Variants in LHFPL3 observed in about 807,000 individuals in gnomAD.
LHFPL3 encodes the protein LHFPL tetraspan subfamily member 3 protein.
LHFPL3 carries 5 observed loss-of-function variants against 19.3 expected under a neutral mutation model. The ratio of observed to expected loss-of-function variants is 0.26; its 90% CI spans 0.14 to 0.54. The LOEUF (loss-of-function observed/expected upper bound fraction) is 0.54. Among genes scored for constraint, LHFPL3 ranks in the 20% least tolerant of loss-of-function variants. The probability of loss-of-function intolerance (pLI) is 0.94; values close to 1 mark genes in which losing one functional copy is unlikely to be tolerated. For missense variants in LHFPL3, 249 were observed against 307.4 expected, an observed-to-expected ratio of 0.81 and a Z score of 1.42; for synonymous variants, 133 against 126.2, an observed-to-expected ratio of 1.05 and a Z score of -0.36.
At chr7:104,571,498 A>G (rs1790230375) in intron 1 of LHFPL3, among the ~76,000 whole-genome samples, 1 of 152,164 alleles carries the variant, frequency 6.6e-6, no homozygotes, top group African/African-American at 2.4e-5. Context: ...CCATGCAGCC[A>G]TCTCATCCTT....
At chr7:104,646,356 C>A (rs188622299) in intron 1 of LHFPL3, among the ~76,000 whole-genome samples, 48 of 152,264 alleles carry the variant, frequency 3.2e-4, no homozygotes, top group Middle Eastern at 3.4e-3. Context: ...ACGCCCTAAT[C>A]GCTATTAACA....
intron 2 of LHFPL3, among the ~76,000 whole-genome samples, chr7:104,829,769 T>C (rs922285787): frequency 6.6e-6 from 1 of 152,038 alleles, no homozygotes; most frequent in African/African-American, 2.4e-5. Flanking sequence ...TTTGCTATTG[T>C]GAATAGTGCC....
chr7:104,601,906 C>T (rs572776606), intron 1 of LHFPL3, among the ~76,000 whole-genome samples: 170 of 152,194 alleles, frequency 1.1e-3, no homozygotes, highest in Non-Finnish European at 2.1e-3. Flanking sequence ...CAAGGTGGGA[C>T]CTACCCAGAC....
At chr7:104,714,448 AG>A (rs1261000572) in intron 1 of LHFPL3, among the ~76,000 whole-genome samples, 2 of 152,160 alleles carry the variant, frequency 1.3e-5, no homozygotes, top group Non-Finnish European at 2.9e-5. Flanking sequence ...CTTTAAGGAA[AG>A]TCTGATGAGG....
chr7:104,638,505 A>C (rs1430545323), intron 1 of LHFPL3, among the ~76,000 whole-genome samples: 1 of 152,064 alleles, frequency 6.6e-6, no homozygotes, highest in East Asian at 1.9e-4. Context: ...TTCCCCATTC[A>C]GTATGATATT....
At position 104,833,030 on chromosome 7, in the gene LHFPL3, AT is replaced by A. The variant is rs1249531438; in HGVS notation, c.683-73155del. ...TATATATATTATATATAATAGATAT[AT>A]TATATATATATATTATATATATATT... On this transcript the variant is annotated intron_variant, in intron 2 of 2. Transcript: ENST00000424859. Among the ~76,000 whole-genome samples, 8 of 6,484 alleles carry A rather than the reference AT, an allele frequency of 1.2e-3. 1 individual carries two copies. The highest frequency in any genetic ancestry group is 3.4e-3 in the Admixed American group (1 of 296). 4.3% of individuals were successfully genotyped at this position (6,484 alleles called of 152,430 possible).
At chr7:104,500,974 T>C (rs954920793) in intron 1 of LHFPL3, among the ~76,000 whole-genome samples, 18 of 152,220 alleles carry the variant, frequency 1.2e-4, no homozygotes, top group Admixed American at 1.2e-3. Context: ...CTTTACTCTC[T>C]AGCTTAACCT....
intron 1 of LHFPL3, among the ~76,000 whole-genome samples, chr7:104,658,183 C>T (rs1028310934): frequency 6.6e-6 from 1 of 152,210 alleles, no homozygotes; most frequent in East Asian, 1.9e-4. Flanking sequence ...GCACTTTATG[C>T]ACCATTAAAT....
At chr7:104,384,866 G>A (rs757144648) in intron 1 of LHFPL3, among the ~76,000 whole-genome samples, 9 of 151,172 alleles carry the variant, frequency 6.0e-5, no homozygotes, top group Admixed American at 1.3e-4. Context: ...TATAAATAGA[G>A]GAATCAGCAA....
chr7:104,515,051 T>C (rs1793894712), intron 1 of LHFPL3, among the ~76,000 whole-genome samples: 1 of 152,194 alleles, frequency 6.6e-6, no homozygotes, highest in South Asian at 2.1e-4. Flanking sequence ...CTTTTAACAG[T>C]AGCATTGTTT....
chr7:104,404,861 A>G (rs555658030), intron 1 of LHFPL3, among the ~76,000 whole-genome samples: 49 of 152,316 alleles, frequency 3.2e-4, no homozygotes, highest in Non-Finnish European at 6.0e-4. Context: ...TTGATTTCAT[A>G]TGATTGTCCA....
intron 1 of LHFPL3, among the ~76,000 whole-genome samples, chr7:104,440,425 G>T (rs1792201779): frequency 1.3e-5 from 2 of 150,968 alleles, no homozygotes; most frequent in East Asian, 4.0e-4. Context: ...GGGGTGGGGG[G>T]AGTGGGGAGG....
At chr7:104,738,973 G>A (rs1793881584) in intron 2 of LHFPL3, 1 of 152,186 alleles carries the variant, frequency 6.6e-6, no homozygotes, top group Non-Finnish European at 1.5e-5. Context: ...ACGAAAATTA[G>A]TAGGAGTTCA....
At chr7:104,809,736 C>G (rs914362868) in intron 2 of LHFPL3, among the ~76,000 whole-genome samples, 2 of 152,182 alleles carry the variant, frequency 1.3e-5, no homozygotes, top group African/African-American at 4.8e-5. Flanking sequence ...ACCCATACAG[C>G]ACAGAGGAAG....
chr7:104,673,574 G>A (rs1030894712), intron 1 of LHFPL3, among the ~76,000 whole-genome samples: 2 of 152,198 alleles, frequency 1.3e-5, no homozygotes, highest in African/African-American at 4.8e-5. Context: ...TTGTCCAAAA[G>A]CAGTGTGCAT....
intron 1 of LHFPL3, among the ~76,000 whole-genome samples, chr7:104,359,473 T>C (rs1790349448): frequency 6.6e-6 from 1 of 152,256 alleles, no homozygotes; most frequent in Admixed American, 6.5e-5. Context: ...GTTCCCATCC[T>C]GAATGACTCA....
At chr7:104,626,679 G>C (rs1305998664) in intron 1 of LHFPL3, among the ~76,000 whole-genome samples, 1 of 152,152 alleles carries the variant, frequency 6.6e-6, no homozygotes, top group African/African-American at 2.4e-5. Flanking sequence ...GGTTGTTATG[G>C]TGATAGAACC....
chr7:104,682,545 C>T (rs1402400853), intron 1 of LHFPL3, among the ~76,000 whole-genome samples: 1 of 152,200 alleles, frequency 6.6e-6, no homozygotes, highest in Non-Finnish European at 1.5e-5. Context: ...CTCCTTTCCC[C>T]AACTCCTACA....
chr7:104,381,071 A>T (rs1261932239), intron 1 of LHFPL3, among the ~76,000 whole-genome samples: 1 of 152,122 alleles, frequency 6.6e-6, no homozygotes, highest in Non-Finnish European at 1.5e-5. Flanking sequence ...GTCGCAAAAG[A>T]CAGAATGCAA....
Sources: allele counts gnomAD v4.1 joint callset (sites outside exome capture counted in the v4.1 genomes callset), GRCh38; gene constraint gnomAD v4.1.1; transcripts MANE v1.5; gene names NCBI Gene and HGNC (gene_info 2026-07-23, HGNC 2026-07-21).